RBMS1: variants seen among roughly 807,000 people sequenced by gnomAD.
The protein encoded by RBMS1 is RNA-binding motif, single-stranded-interacting protein 1.
RBMS1 carries 17 observed loss-of-function variants against 62.3 expected under a neutral mutation model. The ratio of observed to expected loss-of-function variants is 0.27; its 90% CI spans 0.19 to 0.41. RBMS1 has a LOEUF of 0.41. Among genes scored for constraint, RBMS1 ranks in the 10% least tolerant of loss-of-function variants. RBMS1 has a pLI of 1.00. For missense variants in RBMS1, 334 were observed against 504.5 expected, an observed-to-expected ratio of 0.66 and a Z score of 3.24; for synonymous variants, 172 against 170.0, an observed-to-expected ratio of 1.01 and a Z score of -0.09.
At chr2:160,302,854 T>C (rs1211398461) in intron 5 of RBMS1, 2 of 152,362 alleles carry the variant, frequency 1.3e-5, no homozygotes, top group African/African-American at 4.8e-5. Flanking sequence ...ATGTTAGTAT[T>C]TGTCATATCT....
chr2:160,343,678 G>A (rs1163488712), intron 2 of RBMS1, among the ~76,000 whole-genome samples: 1 of 152,100 alleles, frequency 6.6e-6, no homozygotes, highest in African/African-American at 2.4e-5. Context: ...CTTCTTATGA[G>A]GCATCTGTGA....
intron 10 of RBMS1, 31 bp from the exon 11 acceptor site, chr2:160,278,689 A>G (rs1173775467): frequency 7.1e-7 from 1 of 1,402,008 alleles, no homozygotes; most frequent in East Asian, 2.3e-5. Flanking sequence ...GCAAAATTAG[A>G]CAAACTGAGG....
At chr2:160,320,296 C>T (rs922583350) in intron 2 of RBMS1, among the ~76,000 whole-genome samples, 2 of 152,116 alleles carry the variant, frequency 1.3e-5, no homozygotes, top group East Asian at 3.9e-4. Context: ...GGCAAAACCC[C>T]GTCTCTACCC....
intron 1 of RBMS1, among the ~76,000 whole-genome samples, chr2:160,472,854 C>T (rs10172311): frequency 0.48 from 72,497 of 151,970 alleles, 17,876 homozygotes; most frequent in Admixed American, 0.57. Context: ...AAATCCCACA[C>T]GTACTCAGAT....
chr2:160,431,169 T>C (rs962559169), intron 1 of RBMS1, among the ~76,000 whole-genome samples: 1 of 144,932 alleles, frequency 6.9e-6, no homozygotes, highest in African/African-American at 2.5e-5. Context: ...GACTATTGCC[T>C]AGGTAACCCA....
chr2:160,296,308 C>T (rs1311949034), intron 6 of RBMS1, among the ~76,000 whole-genome samples: 2 of 152,112 alleles, frequency 1.3e-5, no homozygotes, highest in African/African-American at 4.8e-5. Flanking sequence ...ATATTTTATG[C>T]TCCAAATTTG....
At chr2:160,417,636 TAA>T (rs1484487992) in intron 1 of RBMS1, among the ~76,000 whole-genome samples, 1 of 152,162 alleles carries the variant, frequency 6.6e-6, no homozygotes, top group African/African-American at 2.4e-5. Context: ...CTACAGTAAT[TAA>T]AAGACACCAT....
chr2:160,357,764 C>T (rs953114192), intron 2 of RBMS1, among the ~76,000 whole-genome samples: 1 of 152,098 alleles, frequency 6.6e-6, no homozygotes, highest in Non-Finnish European at 1.5e-5. Flanking sequence ...GGGGATTAAA[C>T]ACTGTGTTAA....
At chr2:160,358,134 T>C (rs1414213497) in intron 2 of RBMS1, among the ~76,000 whole-genome samples, 1 of 152,168 alleles carries the variant, frequency 6.6e-6, no homozygotes, top group Non-Finnish European at 1.5e-5. Context: ...ATTACACAAT[T>C]GCTCTTAAGC....
intron 1 of RBMS1, among the ~76,000 whole-genome samples, chr2:160,451,111 A>AGTGT (rs1683965050): frequency 6.6e-6 from 1 of 150,764 alleles, no homozygotes; most frequent in Non-Finnish European, 1.5e-5. Context: ...AGCTGTGATG[A>AGTGT]GCACCACTGT....
intron 1 of RBMS1, among the ~76,000 whole-genome samples, chr2:160,374,915 AG>A (rs1346674177): frequency 6.6e-6 from 1 of 150,566 alleles, no homozygotes; most frequent in Non-Finnish European, 1.5e-5. Context: ...GGGCAACAAG[AG>A]TGAAACTACA....
intron 1 of RBMS1, among the ~76,000 whole-genome samples, chr2:160,426,293 A>AAAGAAAG: frequency 1.7e-5 from 1 of 60,424 alleles, no homozygotes; most frequent in South Asian, 7.3e-4. Context: ...AAGAAAGAAA[A>AAAGAAAG]GAAAGAAGGA....
chr2:160,278,190 G>A (rs1382206499), intron 11 of RBMS1: 2 of 251,036 alleles, frequency 8.0e-6, no homozygotes, highest in African/African-American at 4.6e-5. Context: ...GAAGAAATAA[G>A]CGAGAAATAA....
chr2:160,430,538 T>C (rs1682844937), intron 1 of RBMS1, among the ~76,000 whole-genome samples: 1 of 152,230 alleles, frequency 6.6e-6, no homozygotes, highest in South Asian at 2.1e-4. Context: ...CTTTTTATCT[T>C]ATGTAGTAGT....
chr2:160,323,487 T>C (rs1468600647), intron 2 of RBMS1, among the ~76,000 whole-genome samples: 1 of 150,444 alleles, frequency 6.6e-6, no homozygotes, highest in Non-Finnish European at 1.5e-5. Context: ...AAAAAAAAAA[T>C]CACTGTTACG....
intron 1 of RBMS1, among the ~76,000 whole-genome samples, chr2:160,376,737 G>C (rs1052823778): frequency 6.6e-6 from 1 of 152,064 alleles, no homozygotes; most frequent in Non-Finnish European, 1.5e-5. Context: ...CTGGGCTCAA[G>C]TAATCCTCCT....
At chr2:160,487,528 T>C (rs1182388473) in intron 1 of RBMS1, among the ~76,000 whole-genome samples, 2 of 152,208 alleles carry the variant, frequency 1.3e-5, no homozygotes, top group South Asian at 2.1e-4. Flanking sequence ...TACAATTGAT[T>C]GGCTAGTGTT....
chr2:160,283,641 T>C (rs1462094308), intron 9 of RBMS1: 1 of 152,212 alleles, frequency 6.6e-6, no homozygotes, highest in Non-Finnish European at 1.5e-5. Flanking sequence ...TTATATGACA[T>C]TGCTTATGTT....
At chr2:160,295,777 T>C (rs1359739521) in intron 6 of RBMS1, among the ~76,000 whole-genome samples, 5 of 152,268 alleles carry the variant, frequency 3.3e-5, no homozygotes, top group Non-Finnish European at 2.9e-5. Flanking sequence ...TGAGATCTAC[T>C]GTATTCAAGG....
Sources: allele counts gnomAD v4.1 joint callset (sites outside exome capture counted in the v4.1 genomes callset), GRCh38; gene constraint gnomAD v4.1.1; transcripts MANE v1.5; gene names NCBI Gene and HGNC (gene_info 2026-07-23, HGNC 2026-07-21).